The following ZSCAN5A variants were observed in gnomAD, a reference collection of about 807,000 sequenced individuals.
ZSCAN5A encodes the protein zinc finger and SCAN domain containing 5A.
Under a neutral mutation model 23.7 loss-of-function variants are expected in ZSCAN5A, and 12 were observed. The observed-to-expected ratio is 0.51, with a 90% CI of 0.32 to 0.82. The LOEUF is 0.82. Among genes scored for constraint, ZSCAN5A ranks in the 40% least tolerant of loss-of-function variants. ZSCAN5A has a pLI of 0.03. For synonymous variants in ZSCAN5A, 257 were observed against 239.9 expected (o/e 1.07, Z -0.66); for missense variants, 597 against 617.9 (o/e 0.97, Z 0.36).
At chr19:56,350,054 C>T (rs557104834) in intron 2 of ZSCAN5A, among the ~76,000 whole-genome samples, 15 of 152,214 alleles carry the variant, frequency 9.9e-5, no homozygotes, top group Non-Finnish European at 1.9e-4. Flanking sequence ...TAGAACTAAA[C>T]GCTGTGGCAC....
intron 2 of ZSCAN5A, among the ~76,000 whole-genome samples, chr19:56,267,482 A>C (rs1221837899): frequency 2.6e-5 from 4 of 152,258 alleles, no homozygotes; most frequent in Non-Finnish European, 5.9e-5. Context: ...ATTTAGATTT[A>C]CATGCTTCAT....
At chr19:56,326,839 C>T (rs1444731141) in intron 2 of ZSCAN5A, among the ~76,000 whole-genome samples, 2 of 152,252 alleles carry the variant, frequency 1.3e-5, no homozygotes, top group Admixed American at 1.3e-4. Context: ...TTCTTCATGC[C>T]TGTGGCTTCC....
intron 2 of ZSCAN5A, among the ~76,000 whole-genome samples, chr19:56,248,953 T>C (rs1479746190): frequency 6.6e-6 from 1 of 152,106 alleles, no homozygotes; most frequent in Non-Finnish European, 1.5e-5. Flanking sequence ...TCCTGTGGGT[T>C]TGGACAAAGG....
At chr19:56,266,019 C>A (rs547391619) in intron 2 of ZSCAN5A, among the ~76,000 whole-genome samples, 1 of 152,284 alleles carries the variant, frequency 6.6e-6, no homozygotes, top group African/African-American at 2.4e-5. Context: ...TAAACAAGTT[C>A]ACAAATGTCA....
At chr19:56,349,897 G>T (rs1047011473) in intron 2 of ZSCAN5A, among the ~76,000 whole-genome samples, 2 of 152,092 alleles carry the variant, frequency 1.3e-5, no homozygotes, top group East Asian at 3.9e-4. Context: ...CATATTTGCA[G>T]AGAGATTTAA....
At chr19:56,332,439 T>C (rs1163629118) in intron 2 of ZSCAN5A, among the ~76,000 whole-genome samples, 5 of 152,226 alleles carry the variant, frequency 3.3e-5, no homozygotes, top group African/African-American at 1.2e-4. Context: ...TTTATTTTTG[T>C]TGTTTTAAAG....
At chr19:56,230,615 ATGTGTGTGTGTGTG>A (rs58270311) in intron 2 of ZSCAN5A, among the ~76,000 whole-genome samples, 30,996 of 147,612 alleles carry the variant, frequency 0.21, 3,351 homozygotes, top group Non-Finnish European at 0.24. Flanking sequence ...TTATTTCTTG[ATGTGTGTGTGTGTG>A]TGTGTGTGTG....
intron 2 of ZSCAN5A, chr19:56,354,655 C>T (rs528620510): frequency 6.6e-6 from 1 of 152,256 alleles, no homozygotes; most frequent in South Asian, 2.1e-4. Flanking sequence ...GGATCGTTCA[C>T]CATGGATAGA....
chr19:56,322,629 A>G (rs2041388547), intron 2 of ZSCAN5A, among the ~76,000 whole-genome samples: 1 of 152,122 alleles, frequency 6.6e-6, no homozygotes, highest in African/African-American at 2.4e-5. Context: ...CGCCATCTTG[A>G]TATCTATCTA....
intron 2 of ZSCAN5A, chr19:56,312,103 A>T (rs941506862): frequency 1.3e-5 from 2 of 152,258 alleles, no homozygotes; most frequent in Non-Finnish European, 2.9e-5. Context: ...AATAAAAAAA[A>T]TTATTAATGA....
chr19:56,303,069 T>C (rs943815831), intron 2 of ZSCAN5A: 1 of 393,602 alleles, frequency 2.5e-6, no homozygotes, highest in African/African-American at 2.1e-5. Flanking sequence ...GTGACACCTC[T>C]GCTGTGGGTT....
intron 2 of ZSCAN5A, chr19:56,244,466 T>C: frequency 6.4e-7 from 1 of 1,555,762 alleles, no homozygotes; most frequent in South Asian, 1.2e-5. Flanking sequence ...GAAGGGGAGC[T>C]GGGATGGGGG....
chr19:56,228,541 C>T, intron 2 of ZSCAN5A: 1 of 807,782 alleles, frequency 1.2e-6, no homozygotes, highest in Non-Finnish European at 1.5e-6. Context: ...TTGGTGGCCT[C>T]AGAAAATATA....
intron 1 of ZSCAN5A, chr19:56,365,798 G>A (rs1485832600): frequency 6.6e-6 from 1 of 152,212 alleles, no homozygotes; most frequent in East Asian, 1.9e-4. Context: ...TCTAATTGAT[G>A]AATTGCTGGA....
intron 2 of ZSCAN5A, among the ~76,000 whole-genome samples, chr19:56,298,839 C>T (rs1347572050): frequency 2.6e-5 from 4 of 152,114 alleles, no homozygotes; most frequent in East Asian, 1.9e-4. Flanking sequence ...TTTCCCAACT[C>T]GGTTTTAGGA....
At chr19:56,260,865 C>T (rs966683153) in intron 2 of ZSCAN5A, among the ~76,000 whole-genome samples, 3 of 152,084 alleles carry the variant, frequency 2.0e-5, no homozygotes, top group Non-Finnish European at 4.4e-5. Flanking sequence ...AATTACCTCA[C>T]TTAAACTCCA....
intron 2 of ZSCAN5A, among the ~76,000 whole-genome samples, chr19:56,286,901 G>A (rs1600190156): frequency 6.6e-6 from 1 of 152,318 alleles, no homozygotes; most frequent in South Asian, 2.1e-4. Context: ...TTTCCACCTG[G>A]CTCCACTATT....
chr19:56,268,671 G>C (rs1198538353), intron 2 of ZSCAN5A, among the ~76,000 whole-genome samples: 1 of 152,044 alleles, frequency 6.6e-6, no homozygotes, highest in Non-Finnish European at 1.5e-5. Flanking sequence ...CATTTTAAGT[G>C]TACAATTCAG....
intron 2 of ZSCAN5A, among the ~76,000 whole-genome samples, chr19:56,336,758 T>G (rs2041541504): frequency 6.6e-6 from 1 of 152,176 alleles, no homozygotes; most frequent in Non-Finnish European, 1.5e-5. Flanking sequence ...ACAGATGGGT[T>G]TTTGGTGTGG....
Sources: gnomAD v4.1 joint callset for allele counts (sites outside exome capture counted in the v4.1 genomes callset) on GRCh38, gnomAD v4.1.1 for gene constraint, MANE v1.5 for transcripts, NCBI Gene and HGNC (gene_info 2026-07-23, HGNC 2026-07-21) for gene names.